Variants in TMEM131L observed in about 807,000 individuals in gnomAD.
The protein encoded by TMEM131L is transmembrane 131 like.
TMEM131L carries 54 observed loss-of-function variants against 192.2 expected under a neutral mutation model. The observed-to-expected ratio is 0.28, with a 90% confidence interval of 0.23 to 0.35. TMEM131L has a LOEUF of 0.35. Ranked by LOEUF, TMEM131L falls within the 10% of genes least tolerant of loss-of-function variation. The pLI, the probability that TMEM131L is intolerant of heterozygous loss-of-function variation, is 1.00. For missense variants in TMEM131L, 1,888 were observed against 1,972.9 expected (o/e 0.96, Z 0.82); for synonymous variants, 701 against 704.9 (o/e 0.99, Z 0.09).
rs28432901 is a variant in TMEM131L at position 153,585,751 on chromosome 4, T to C, written c.1311+140T>C. The C allele has an allele frequency of 1.6e-4, 84 of 519,356 alleles. 3 individuals are homozygous for C. The highest frequency in any genetic ancestry group is 1.5e-3 in the African/African-American group (77 of 50,594). 32.2% of individuals were successfully genotyped at this position (519,356 alleles called of 1,614,324 possible). ...ATTATTTATATAAAATTTTATGATT[T>C]TTAAAACATGTATTTTTCTTTTAAC... is the stretch of plus-strand genomic sequence containing the variant. On this transcript the variant is annotated intron_variant, in intron 13 of 34. Coordinates refer to ENST00000409959, the MANE Select transcript of TMEM131L (RefSeq NM_001131007.2).
intron 9 of TMEM131L, among the ~76,000 whole-genome samples, chr4:153,582,153 A>C (rs1375812353): frequency 6.6e-6 from 1 of 152,208 alleles, no homozygotes; most frequent in Non-Finnish European, 1.5e-5. Flanking sequence ...TTTGGTTATC[A>C]AGACTTCTGA....
chr4:153,617,529 T>C (rs979119780), intron 26 of TMEM131L, among the ~76,000 whole-genome samples: 3 of 152,182 alleles, frequency 2.0e-5, no homozygotes, highest in African/African-American at 7.2e-5. Flanking sequence ...GCAGTTGTGT[T>C]TTGGTTTTCT....
intron 3 of TMEM131L, among the ~76,000 whole-genome samples, chr4:153,503,748 T>C (rs924364758): frequency 1.7e-4 from 26 of 152,114 alleles, no homozygotes; most frequent in Non-Finnish European, 3.8e-4. Context: ...GCTAGCCTCA[T>C]TGCAAGAATG....
chr4:153,617,004 G>T (rs1308346814), intron 26 of TMEM131L, among the ~76,000 whole-genome samples: 1 of 152,186 alleles, frequency 6.6e-6, no homozygotes, highest in Admixed American at 6.5e-5. Flanking sequence ...TAGAATGAAA[G>T]GGTATTGATA....
At chr4:153,628,438 T>TG (rs1733995952) in intron 31 of TMEM131L, among the ~76,000 whole-genome samples, 1 of 152,236 alleles carries the variant, frequency 6.6e-6, no homozygotes, top group Non-Finnish European at 1.5e-5. Flanking sequence ...AGGATAAACC[T>TG]GATTTTTATT....
intron 26 of TMEM131L, among the ~76,000 whole-genome samples, chr4:153,618,670 G>T (rs377430222): frequency 9.2e-5 from 14 of 152,026 alleles, no homozygotes; most frequent in Admixed American, 2.6e-4. Context: ...AGTAATCAAG[G>T]CACGAGATTG....
chr4:153,618,961 T>C (rs777176917), intron 26 of TMEM131L, among the ~76,000 whole-genome samples: 10 of 152,216 alleles, frequency 6.6e-5, no homozygotes, highest in Non-Finnish European at 1.5e-4. Context: ...CCTGCCACTC[T>C]TTCTGGGATA....
chr4:153,533,230 C>T (rs896593801), intron 3 of TMEM131L, among the ~76,000 whole-genome samples: 1 of 152,262 alleles, frequency 6.6e-6, no homozygotes. Context: ...CTTTATCCAC[C>T]CGCCTTGGCC....
intron 28 of TMEM131L, 104 bp from the exon 29 acceptor site, chr4:153,622,794 A>AG (rs1733529701): frequency 9.3e-7 from 1 of 1,071,968 alleles, no homozygotes; most frequent in Non-Finnish European, 1.4e-6. Context: ...AGGTAGCTGA[A>AG]GGTGAACCTG....
chr4:153,501,103 G>A (rs79782511), intron 3 of TMEM131L, among the ~76,000 whole-genome samples: 2,281 of 151,958 alleles, frequency 0.015, 69 homozygotes, highest in African/African-American at 0.052. Flanking sequence ...ATCCCACCAA[G>A]CATATTGTGA....
chr4:153,491,209 A>G (rs1732758398), intron 3 of TMEM131L, among the ~76,000 whole-genome samples: 1 of 152,104 alleles, frequency 6.6e-6, no homozygotes, highest in Non-Finnish European at 1.5e-5. Flanking sequence ...ATAAAAGGGG[A>G]AACTGGTGAA....
intron 3 of TMEM131L, among the ~76,000 whole-genome samples, chr4:153,488,585 C>T (rs1378389533): frequency 1.3e-5 from 2 of 152,228 alleles, no homozygotes; most frequent in African/African-American, 2.4e-5. Flanking sequence ...TTCCCTGCGG[C>T]TCTGTTGTGG....
Position 153,593,780 on chromosome 4 carries a change from T to G in TMEM131L, c.1923-19T>G, listed in dbSNP as rs745682843. ...GCAGATGTGAGTGCTGTTTTAAACATTTGCTTTTTTCCTTATAGGTTTGGC... is the reference window on the plus strand; with the variant it reads ...GCAGATGTGAGTGCTGTTTTAAACAGTTGCTTTTTTCCTTATAGGTTTGGC... On this transcript the variant is annotated intron_variant, in intron 18 of 34. Coordinates refer to ENST00000409959, the MANE Select transcript of TMEM131L (RefSeq NM_001131007.2). 1 of 1,566,314 alleles carries G rather than the reference T, an allele frequency of 6.4e-7. No individual in the cohort carries two copies. The highest frequency in any genetic ancestry group is 8.8e-7 in the Non-Finnish European group (1 of 1,136,218).
At chr4:153,501,202 G>GTTTTTTT (rs34750703) in intron 3 of TMEM131L, among the ~76,000 whole-genome samples, 1 of 127,544 alleles carries the variant, frequency 7.8e-6, no homozygotes, top group Non-Finnish European at 1.6e-5. Context: ...GGTTTTGCAA[G>GTTTTTTT]TTTTTTTTTT....
At chr4:153,592,423 G>C in intron 17 of TMEM131L, 52 bp from the exon 18 acceptor site, 1 of 1,208,512 alleles carries the variant, frequency 8.3e-7, no homozygotes, top group Non-Finnish European at 1.2e-6. Context: ...AATATCTCAG[G>C]AGGGATGCTG....
Position 153,563,456 on chromosome 4 carries a change from C to CTTTTTTT in TMEM131L, c.660+5111_660+5117dup, listed in dbSNP as rs1177255196. On this transcript the variant is annotated intron_variant, in intron 7 of 34. Transcript: ENST00000409959. ...AGCAGTGAGAAAACGGATATGTACC[C>CTTTTTTT]TTTTTTTTTTTTTTTTTTTTTTTTT... Among the ~76,000 whole-genome samples the CTTTTTTT allele has an allele frequency of 3.6e-4, 32 of 88,210 alleles. 2 individuals are homozygous for CTTTTTTT. Among genetic ancestry groups the CTTTTTTT allele is most frequent in the African/African-American group, 1.1e-3 (23 of 21,530 alleles). 57.9% of individuals were successfully genotyped at this position (88,210 alleles called of 152,430 possible).
chr4:153,520,491 A>G (rs1213279426), intron 3 of TMEM131L, among the ~76,000 whole-genome samples: 3 of 152,096 alleles, frequency 2.0e-5, no homozygotes, highest in Admixed American at 6.5e-5. Context: ...ACATAAATAA[A>G]AACTCAAAAG....
At chr4:153,598,461 T>TG (rs1183407420) in intron 20 of TMEM131L, 129 bp from the exon 21 acceptor site, 1 of 828,810 alleles carries the variant, frequency 1.2e-6, no homozygotes. Flanking sequence ...CTATTTAAAT[T>TG]GATTTTCTTT....
At chr4:153,562,743 A>G (rs965007753) in intron 7 of TMEM131L, among the ~76,000 whole-genome samples, 2 of 152,262 alleles carry the variant, frequency 1.3e-5, no homozygotes, top group African/African-American at 4.8e-5. Flanking sequence ...AGGTTTAGAC[A>G]GAAATATGTC....
Sources: gnomAD v4.1 joint callset for allele counts (sites outside exome capture counted in the v4.1 genomes callset) on GRCh38, gnomAD v4.1.1 for gene constraint, MANE v1.5 for transcripts, NCBI Gene and HGNC (gene_info 2026-07-23, HGNC 2026-07-21) for gene names.